The following PREX1 variants were observed in gnomAD, a reference collection of about 807,000 sequenced individuals.
PREX1 encodes phosphatidylinositol 3,4,5-trisphosphate-dependent Rac exchanger 1 protein.
A neutral mutation model predicts 198.3 loss-of-function variants in PREX1; 41 were observed. The observed-to-expected ratio is 0.21, with a 90% CI of 0.16 to 0.27. The LOEUF is 0.27. PREX1 is among the 10% of genes least tolerant of loss of function. The pLI, the probability that PREX1 is intolerant of heterozygous loss-of-function variation, is 1.00. For synonymous variants in PREX1, 843 were observed against 887.2 expected (o/e 0.95, Z 0.89); for missense variants, 1,620 against 2,200.7 (o/e 0.74, Z 5.28).
At chr20:48,824,805 G>C (rs1041078880) in intron 1 of PREX1, among the ~76,000 whole-genome samples, 1 of 151,908 alleles carries the variant, frequency 6.6e-6, no homozygotes, top group Non-Finnish European at 1.5e-5. Context: ...CCACTACACC[G>C]TCCTCTCCTT....
chr20:48,686,135 G>A (rs1320654530), intron 10 of PREX1, among the ~76,000 whole-genome samples: 1 of 152,094 alleles, frequency 6.6e-6, no homozygotes, highest in Non-Finnish European at 1.5e-5. Flanking sequence ...GGCAGTGACT[G>A]TTTCACGGTG....
At chr20:48,886,350 G>A in the PREX1 span, among the ~76,000 whole-genome samples, 1 of 152,146 alleles carries the variant, frequency 6.6e-6, no homozygotes, top group African/African-American at 2.4e-5. Flanking sequence ...CAGAGATTGG[G>A]CTTCTCACTT....
rs773178703 is a variant in PREX1 at position 48,827,638 on chromosome 20, T to C, written c.219+4A>G. ...CTGTCCCCAAGCTCCCGAGCGACACTCACCGACTGCAAGAAGCGCAAGGTG... is the reference window on the plus strand; with the variant it reads ...CTGTCCCCAAGCTCCCGAGCGACACCCACCGACTGCAAGAAGCGCAAGGTG... On this transcript the variant is annotated splice_donor_region_variant and intron_variant, in intron 1 of 39. Coordinates refer to ENST00000371941, the MANE Select transcript of PREX1 (RefSeq NM_020820.4). This position sits in a 1 kb window ranked among gnomAD's most constrained non-coding sequence, Gnocchi z 4.1. The C allele has an allele frequency of 2.3e-6, 3 of 1,300,708 alleles. No individual in the cohort carries two copies. The East Asian group carries it at 8.9e-5, about 38-fold the overall frequency. The allele number at this position is 1,300,708 out of a possible 1,614,324, so 80.6% of individuals were successfully genotyped here.
the PREX1 span, among the ~76,000 whole-genome samples, chr20:48,856,501 G>T: frequency 0.29 from 44,642 of 152,140 alleles, 7,982 homozygotes; most frequent in East Asian, 0.4. Context: ...GCCTAGAGAA[G>T]GCAGGAGAAC....
At chr20:48,754,538 C>T (rs1374359346) in intron 1 of PREX1, among the ~76,000 whole-genome samples, 2 of 151,994 alleles carry the variant, frequency 1.3e-5, no homozygotes, top group Admixed American at 1.3e-4. Context: ...CAGAAAGAGG[C>T]CTTGAAGTCA....
At chr20:48,836,103 A>G in the PREX1 span, among the ~76,000 whole-genome samples, 1 of 152,078 alleles carries the variant, frequency 6.6e-6, no homozygotes, top group Non-Finnish European at 1.5e-5. Context: ...CCACGATGGG[A>G]AAGATGGCAG....
the PREX1 span, among the ~76,000 whole-genome samples, chr20:48,839,817 C>T: frequency 1.1e-4 from 17 of 152,102 alleles, no homozygotes; most frequent in Non-Finnish European, 4.4e-5. Flanking sequence ...ATAGGGATGA[C>T]GTCCCCCACA....
intron 1 of PREX1, chr20:48,821,731 A>G (rs1221618595): frequency 6.6e-6 from 1 of 152,248 alleles, no homozygotes; most frequent in African/African-American, 2.4e-5. Context: ...CCCAAGCCCA[A>G]CAGGTCTTCA....
At chr20:48,847,722 A>C in the PREX1 span, among the ~76,000 whole-genome samples, 2 of 152,290 alleles carry the variant, frequency 1.3e-5, no homozygotes, top group East Asian at 3.9e-4. Context: ...ACAAATGTCT[A>C]CACCCGTGTG....
chr20:48,761,153 G>C (rs371797900), intron 1 of PREX1, among the ~76,000 whole-genome samples: 4 of 152,206 alleles, frequency 2.6e-5, no homozygotes, highest in African/African-American at 9.7e-5. Flanking sequence ...TGTATCGGAG[G>C]ACACAGCATC....
chr20:48,690,717 C>A (rs2089814564), intron 9 of PREX1, among the ~76,000 whole-genome samples: 1 of 152,162 alleles, frequency 6.6e-6, no homozygotes. Flanking sequence ...GACCTTCGGG[C>A]AAGACCCTTC....
intron 12 of PREX1, 51 bp downstream of exon 12, chr20:48,679,600 G>A: frequency 6.6e-7 from 1 of 1,519,972 alleles, no homozygotes; most frequent in Non-Finnish European, 9.1e-7. Context: ...ACCCAGGGTG[G>A]AGGTGAACGA....
the PREX1 span, among the ~76,000 whole-genome samples, chr20:48,845,442 G>A: frequency 2.0e-5 from 3 of 152,112 alleles, no homozygotes; most frequent in South Asian, 2.1e-4. Flanking sequence ...AGTGGCTCAC[G>A]CTGTAATCTC....
intron 33 of PREX1, 70 bp downstream of exon 33, chr20:48,634,605 GA>G (rs2089346861): frequency 1.3e-6 from 2 of 1,485,538 alleles, no homozygotes; most frequent in Non-Finnish European, 1.9e-6. Flanking sequence ...AGGACAGGGT[GA>G]CCCCAGAGAG....
At chr20:48,660,163 G>A (rs952624285) in intron 15 of PREX1, 102 bp from the exon 16 acceptor site, 43 of 1,434,734 alleles carry the variant, frequency 3.0e-5, no homozygotes, top group East Asian at 6.9e-5. Context: ...CCATGGACAC[G>A]TTTGGTTTGG....
At chr20:48,845,268 T>G in the PREX1 span, among the ~76,000 whole-genome samples, 1 of 152,130 alleles carries the variant, frequency 6.6e-6, no homozygotes, top group African/African-American at 2.4e-5. Context: ...TGACAGCAGC[T>G]AAGAAATAAA....
rs1209836809 is a variant in PREX1 at position 48,649,550 on chromosome 20, G to T, written c.3055C>A (p.Gln1019Lys). ...QGHLNPMSYT[Q>K]HCITTMAAPS... ...GCAGCCATGGTGGTGATGCAGTGCT[G>T]GGTGTACGACATGGGGTTCAGGTGG... Residue 1019 changes from glutamine (Q) to lysine (K), a missense_variant, in exon 25 of 40, where the codon CAG becomes AAG. Transcript: ENST00000371941. 1 of 1,606,642 alleles carries T rather than the reference G, an allele frequency of 6.2e-7. No individual in the cohort carries two copies. The highest frequency in any genetic ancestry group is 1.1e-5 in the South Asian group (1 of 90,168).
At chr20:48,828,999 T>G (rs2090527256), upstream of PREX1, among the ~76,000 whole-genome samples, 1 of 152,252 alleles carries the variant, frequency 6.6e-6, no homozygotes, top group African/African-American at 2.4e-5. Flanking sequence ...GGCCTTGGGC[T>G]GGTTTCCTTG....
chr20:48,631,002 C>T (rs1044333247), intron 35 of PREX1, among the ~76,000 whole-genome samples: 2 of 152,132 alleles, frequency 1.3e-5, no homozygotes, highest in African/African-American at 4.8e-5. Context: ...CTGAGCACTC[C>T]TCCAATGCCA....
Sources: allele counts gnomAD v4.1 joint callset (sites outside exome capture counted in the v4.1 genomes callset), GRCh38; gene constraint gnomAD v4.1.1; non-coding constraint Gnocchi (gnomAD v3.1); transcripts MANE v1.5; gene names NCBI Gene and HGNC (gene_info 2026-07-23, HGNC 2026-07-21).